MGMT: variants seen among roughly 807,000 people sequenced by gnomAD.
MGMT encodes O-6-methylguanine-DNA methyltransferase, also known as methylated-DNA--protein-cysteine methyltransferase.
MGMT carries 14 observed loss-of-function variants against 15.9 expected under a neutral mutation model. That is an observed-to-expected ratio of 0.88 (90% CI 0.58 to 1.37). The LOEUF is 1.37. Ranked by LOEUF, MGMT falls within the 40% of genes most tolerant of loss-of-function variation. The pLI is 0.00. For synonymous variants in MGMT, 130 were observed against 118.2 expected, an observed-to-expected ratio of 1.10 and a Z score of -0.65; for missense variants, 282 against 268.1, an observed-to-expected ratio of 1.05 and a Z score of -0.36.
intron 2 of MGMT, among the ~76,000 whole-genome samples, chr10:129,665,875 T>C (rs1343175901): frequency 6.6e-6 from 1 of 152,174 alleles, no homozygotes; most frequent in African/African-American, 2.4e-5. Context: ...GAAAGTGTAT[T>C]GTGGGAGAGA....
chr10:129,596,609 G>A (rs748725971), intron 2 of MGMT, among the ~76,000 whole-genome samples: 14 of 152,192 alleles, frequency 9.2e-5, no homozygotes, highest in Non-Finnish European at 1.9e-4. Context: ...GAAGGAGTCT[G>A]TGTCTGTTTT....
chr10:129,601,527 G>A (rs1029408594), intron 2 of MGMT, among the ~76,000 whole-genome samples: 2 of 152,138 alleles, frequency 1.3e-5, no homozygotes, highest in African/African-American at 4.8e-5. Context: ...CACTGCAGGG[G>A]CTTCTGGCTT....
chr10:129,691,418 C>T (rs1448480085), intron 2 of MGMT, among the ~76,000 whole-genome samples: 1 of 152,248 alleles, frequency 6.6e-6, no homozygotes. Context: ...ACGTCAGCCC[C>T]AGGCAGTGTC....
chr10:129,734,077 T>C (rs1848533311), intron 3 of MGMT, among the ~76,000 whole-genome samples: 1 of 151,700 alleles, frequency 6.6e-6, no homozygotes, highest in Admixed American at 6.6e-5. Flanking sequence ...TTTAAAGTAG[T>C]TTTTTCCAAT....
chr10:129,468,047 A>G (rs1845189611), intron 1 of MGMT, among the ~76,000 whole-genome samples: 1 of 148,612 alleles, frequency 6.7e-6, no homozygotes, highest in Non-Finnish European at 1.5e-5. Context: ...ATCATCAGAC[A>G]GGGAAGCGGC....
intron 2 of MGMT, among the ~76,000 whole-genome samples, chr10:129,707,109 C>G (rs1228811268): frequency 1.3e-5 from 2 of 152,020 alleles, no homozygotes; most frequent in African/African-American, 4.8e-5. Flanking sequence ...AACCCCATCT[C>G]TACTAAAGAT....
chr10:129,485,896 C>T lies in MGMT; in HGVS notation c.-13+18600C>T, dbSNP rs7089777. Among the ~76,000 whole-genome samples, 801 of 152,292 alleles carry T rather than the reference C, an allele frequency of 5.3e-3. 11 individuals carry two copies. Among genetic ancestry groups the T allele is most frequent in the African/African-American group, 0.019 (771 of 41,546 alleles). On this transcript the variant is annotated intron_variant, in intron 1 of 4. Transcript: ENST00000651593. ...CTGGCCCTGACCCCAGACTTTTTAC[C>T]AGCCTGAAGTGGGTGAAAAGAAAGC...
intron 3 of MGMT, among the ~76,000 whole-genome samples, chr10:129,726,567 T>C (rs151015580): frequency 5.1e-4 from 77 of 152,338 alleles, no homozygotes; most frequent in African/African-American, 1.7e-3. Context: ...AACAGTGGCA[T>C]TGGTGTTTTC....
At chr10:129,687,587 G>T (rs889365076) in intron 2 of MGMT, among the ~76,000 whole-genome samples, 1 of 152,106 alleles carries the variant, frequency 6.6e-6, no homozygotes, top group Non-Finnish European at 1.5e-5. Flanking sequence ...TAGTGCACAC[G>T]TAGGCCCTTA....
chr10:129,571,798 T>A (rs557150059), intron 2 of MGMT, among the ~76,000 whole-genome samples: 2 of 152,376 alleles, frequency 1.3e-5, no homozygotes, highest in African/African-American at 4.8e-5. Context: ...GAAGAGAAAT[T>A]GATATCAATC....
At chr10:129,737,813 G>T (rs868615454) in intron 3 of MGMT, among the ~76,000 whole-genome samples, 1 of 152,186 alleles carries the variant, frequency 6.6e-6, no homozygotes, top group African/African-American at 2.4e-5. Flanking sequence ...GTACCCGGCC[G>T]TGTGAGGTGT....
chr10:129,524,053 G>T (rs1191866502), intron 1 of MGMT, among the ~76,000 whole-genome samples: 1 of 152,192 alleles, frequency 6.6e-6, no homozygotes, highest in South Asian at 2.1e-4. Flanking sequence ...GTGAGAAGGT[G>T]CACTGGTACC....
intron 1 of MGMT, among the ~76,000 whole-genome samples, chr10:129,523,722 G>GA (rs55650093): frequency 1 from 151,773 of 152,266 alleles, 75,643 homozygotes; most frequent in Middle Eastern, 1. Context: ...GATTTTAAAG[G>GA]ACAGCCACAG....
chr10:129,474,173 G>T (rs1845263654), intron 1 of MGMT, among the ~76,000 whole-genome samples: 1 of 152,214 alleles, frequency 6.6e-6, no homozygotes, highest in Non-Finnish European at 1.5e-5. Context: ...AGCCAGTGGG[G>T]CCAGGGCCTG....
intron 3 of MGMT, among the ~76,000 whole-genome samples, chr10:129,747,041 A>G (rs954147010): frequency 5.3e-5 from 8 of 152,200 alleles, no homozygotes; most frequent in African/African-American, 1.9e-4. Flanking sequence ...AACAGAGCCT[A>G]TATACAAATT....
chr10:129,660,244 A>G (rs1847580502), intron 2 of MGMT, among the ~76,000 whole-genome samples: 2 of 151,706 alleles, frequency 1.3e-5, no homozygotes, highest in South Asian at 2.1e-4. Context: ...ATCTTTTTGC[A>G]GTTAAAGTAT....
At chr10:129,520,977 G>GCCTA (rs2119724377) in intron 1 of MGMT, among the ~76,000 whole-genome samples, 2 of 86,010 alleles carry the variant, frequency 2.3e-5, no homozygotes, top group African/African-American at 1.5e-4. Flanking sequence ...CGGTGAGGGT[G>GCCTA]CAGAGCCCCT....
chr10:129,568,122 C>T (rs1389384908), intron 2 of MGMT, among the ~76,000 whole-genome samples: 2 of 152,230 alleles, frequency 1.3e-5, no homozygotes, highest in Non-Finnish European at 2.9e-5. Context: ...CCGAGACAGC[C>T]TGGCTGTTTT....
intron 2 of MGMT, among the ~76,000 whole-genome samples, chr10:129,704,269 A>G (rs545656995): frequency 9.9e-5 from 15 of 152,238 alleles, no homozygotes; most frequent in African/African-American, 2.9e-4. Flanking sequence ...CAGCACTCCC[A>G]TGCCCTAAGG....
Sources: gnomAD v4.1 joint callset for allele counts (sites outside exome capture counted in the v4.1 genomes callset) on GRCh38, gnomAD v4.1.1 for gene constraint, MANE v1.5 for transcripts, NCBI Gene and HGNC (gene_info 2026-07-23, HGNC 2026-07-21) for gene names.